Variants in RALB observed in about 807,000 individuals in gnomAD.
The protein encoded by RALB is ras-related protein Ral-B.
RALB carries 16 observed loss-of-function variants against 21.3 expected under a neutral mutation model. That is an observed-to-expected ratio of 0.75 (90% CI 0.51 to 1.14). RALB has a LOEUF of 1.14. Among genes scored for constraint, RALB ranks in the 50% most tolerant of loss-of-function variants. The probability of loss-of-function intolerance (pLI) is 0.00; values close to 1 mark genes in which losing one functional copy is unlikely to be tolerated. For missense variants in RALB, 161 were observed against 256.2 expected (o/e 0.63, Z 2.54); for synonymous variants, 93 against 96.1 (o/e 0.97, Z 0.19).
upstream of RALB, among the ~76,000 whole-genome samples, chr2:120,248,620 C>T (rs904274975): frequency 2.6e-5 from 4 of 152,202 alleles, no homozygotes; most frequent in African/African-American, 7.2e-5. Flanking sequence ...CACATCCAAC[C>T]CTCACAGCCC....
intron 1 of RALB, among the ~76,000 whole-genome samples, chr2:120,275,981 G>A (rs1285524145): frequency 2.0e-5 from 3 of 152,174 alleles, no homozygotes; most frequent in Non-Finnish European, 4.4e-5. Flanking sequence ...TCTACATAGG[G>A]TGTGGAAAAC....
intron 1 of RALB, among the ~76,000 whole-genome samples, chr2:120,243,875 C>T (rs17050050): frequency 0.058 from 8,784 of 152,040 alleles, 864 homozygotes; most frequent in African/African-American, 0.2. Context: ...CTGGGTGTTC[C>T]AGGGCCTGCC....
chr2:120,288,342 G>GTTTTTTTTTTTTTTTTTTTT (rs547733377), intron 3 of RALB, among the ~76,000 whole-genome samples: 4 of 117,092 alleles, frequency 3.4e-5, no homozygotes, highest in Non-Finnish European at 3.3e-5. Context: ...GAAAATTTTA[G>GTTTTTTTTTTTTTTTTTTTT]TTTTTTTTTT....
intron 1 of RALB, among the ~76,000 whole-genome samples, chr2:120,276,957 T>C (rs976237519): frequency 6.6e-5 from 10 of 152,206 alleles, no homozygotes; most frequent in Non-Finnish European, 1.5e-4. Context: ...TTTTGGTATA[T>C]GTGAAATAGA....
chr2:120,289,046 AG>A (rs1348889933), intron 3 of RALB, among the ~76,000 whole-genome samples: 1 of 152,246 alleles, frequency 6.6e-6, no homozygotes, highest in African/African-American at 2.4e-5. Flanking sequence ...ATTTCACTGC[AG>A]GGGGGAGAAA....
At chr2:120,267,966 AT>A (rs777994784) in intron 1 of RALB, among the ~76,000 whole-genome samples, 79 of 151,782 alleles carry the variant, frequency 5.2e-4, no homozygotes, top group Non-Finnish European at 1.0e-3. Context: ...TAATTTTTGT[AT>A]TTTTAGTAGA....
chr2:120,266,280 T>G (rs976886900), intron 1 of RALB, among the ~76,000 whole-genome samples: 25 of 152,200 alleles, frequency 1.6e-4, no homozygotes, highest in African/African-American at 5.8e-4. Flanking sequence ...AGTCTTGCTC[T>G]GTCGCCTGGG....
chr2:120,265,117 T>C lies in RALB; in HGVS notation c.-48+12137T>C, dbSNP rs150986266. Among the ~76,000 whole-genome samples the C allele has an allele frequency of 5.9e-3, 905 of 152,348 alleles. 15 individuals carry two copies. Among genetic ancestry groups the C allele is most frequent in the African/African-American group, 0.021 (872 of 41,572 alleles). ...GTTCTTTTGTATATACAGCCACGCA[T>C]CACTTAATGACACCTATGTTCTGAG... On this transcript the variant is annotated intron_variant, in intron 1 of 4. Transcript: ENST00000272519.
At chr2:120,245,307 G>A (rs964366042) in intron 1 of RALB, among the ~76,000 whole-genome samples, 57 of 152,220 alleles carry the variant, frequency 3.7e-4, no homozygotes, top group Middle Eastern at 3.2e-3. Context: ...CACCAGCTGC[G>A]TGATTTTGGA....
chr2:120,269,163 A>T (rs1689584242), intron 1 of RALB, among the ~76,000 whole-genome samples: 1 of 152,166 alleles, frequency 6.6e-6, no homozygotes, highest in South Asian at 2.1e-4. Flanking sequence ...TTACAGAATG[A>T]ACCTGCAGAC....
intron 1 of RALB, among the ~76,000 whole-genome samples, chr2:120,267,445 C>T (rs1010313220): frequency 7.2e-5 from 11 of 152,066 alleles, no homozygotes; most frequent in Non-Finnish European, 1.5e-4. Context: ...TTTTCCATTC[C>T]CTGGTGCTAA....
rs1220471819 is a variant in RALB, at chr2:120,293,217, G to A, written c.578G>A (p.Ser193Asn). The change falls in exon 5 of 5, where the codon AGC becomes AAC. Residue 193 changes from serine to asparagine, a missense_variant. By Grantham distance (46) the Ser-to-Asn change is conservative. Coordinates refer to ENST00000272519, the MANE Select transcript of RALB (RefSeq NM_002881.3). ...ENKDKNGKKS[S>N]KNKKSFKERC... ...AAAGACAAGAATGGCAAGAAAAGCA[G>A]CAAGAACAAGAAAAGTTTTAAAGAA... is the stretch of plus-strand genomic sequence containing the variant. The A allele has an allele frequency of 6.2e-7, 1 of 1,613,662 alleles. No individual in the cohort carries two copies. Among genetic ancestry groups the A allele is most frequent in the Non-Finnish European group, 8.5e-7 (1 of 1,179,796 alleles).
chr2:120,288,431 C>T (rs2289173), intron 3 of RALB, among the ~76,000 whole-genome samples: 4,572 of 148,276 alleles, frequency 0.031, 117 homozygotes, highest in East Asian at 0.077. Context: ...GTGTTCCTCC[C>T]TCCTCAGGCT....
Position 120,271,544 on chromosome 2 carries a change from A to G in RALB, c.-47-7074A>G, listed in dbSNP as rs184249174. ...TAGAATCAAAGTTTCTTAAGATGGC[A>G]CTTTAGGCCCATTTATAGACAGAGC... On this transcript the variant is annotated intron_variant, in intron 1 of 4. Transcript: ENST00000272519. Among the ~76,000 whole-genome samples the G allele has an allele frequency of 2.8e-3, 426 of 152,308 alleles. 9 individuals carry two copies. Among genetic ancestry groups the G allele is most frequent in the Non-Finnish European group, 6.5e-4 (44 of 68,030 alleles).
upstream of RALB, among the ~76,000 whole-genome samples, chr2:120,248,092 G>A (rs769301780): frequency 3.9e-5 from 6 of 152,180 alleles, no homozygotes; most frequent in Non-Finnish European, 8.8e-5. Flanking sequence ...GAGAAGGGCC[G>A]AGGGCAAGCT....
rs1690346862 is a variant in RALB at position 120,293,141 on chromosome 2, G to T, written c.502G>T (p.Val168Leu). ...TTTACTCTTTACTCCTCACCCCCAG[G>T]TGTTCTTTGACCTAATGAGAGAAAT... is the stretch of plus-strand genomic sequence containing the variant. ...SAKTRANVDK[V>L]FFDLMREIRT... is the part of the protein sequence containing the mutation. The change falls in exon 5 of 5, where the codon GTG becomes TTG. Residue 168 changes from valine (V) to leucine (L), a missense_variant and splice_region_variant. Val to Leu is a conservative substitution (Grantham distance 32). Transcript: ENST00000272519. 6.2e-7 allele frequency: 1 copy of T among 1,606,406 alleles called. No individual in the cohort carries two copies. The highest frequency in any genetic ancestry group is 1.3e-5 in the African/African-American group (1 of 74,192).
chr2:120,281,721 C>T (rs1352129921), intron 2 of RALB, among the ~76,000 whole-genome samples: 1 of 152,198 alleles, frequency 6.6e-6, no homozygotes, highest in Non-Finnish European at 1.5e-5. Flanking sequence ...GGGAGATCTG[C>T]ATCTGCTTTG....
intron 1 of RALB, among the ~76,000 whole-genome samples, chr2:120,277,201 A>T (rs1055043988): frequency 2.7e-4 from 41 of 152,038 alleles, no homozygotes; most frequent in African/African-American, 9.7e-4. Context: ...AACCAGAGGG[A>T]TGTGTGGGGC....
chr2:120,263,669 C>T (rs1302237280), intron 1 of RALB, among the ~76,000 whole-genome samples: 1 of 151,916 alleles, frequency 6.6e-6, no homozygotes, highest in Non-Finnish European at 1.5e-5. Flanking sequence ...AAGCAATCCT[C>T]CCACCTCAGC....
Sources: allele counts gnomAD v4.1 joint callset (sites outside exome capture counted in the v4.1 genomes callset), GRCh38; gene constraint gnomAD v4.1.1; transcripts MANE v1.5; gene names NCBI Gene and HGNC (gene_info 2026-07-23, HGNC 2026-07-21).